Variants in SPRED1 observed in about 807,000 individuals in gnomAD.
The protein encoded by SPRED1 is sprouty related EVH1 domain containing 1.
A neutral mutation model predicts 52.3 loss-of-function variants in SPRED1; 18 were observed. The observed-to-expected ratio is 0.34, with a 90% CI of 0.24 to 0.51. The LOEUF (loss-of-function observed/expected upper bound fraction) is 0.51. Ranked by LOEUF, SPRED1 falls within the 20% of genes least tolerant of loss-of-function variation. The pLI, the probability that SPRED1 is intolerant of heterozygous loss-of-function variation, is 0.97. For synonymous variants in SPRED1, 155 were observed against 179.7 expected, an observed-to-expected ratio of 0.86 and a Z score of 1.10; for missense variants, 485 against 551.0, an observed-to-expected ratio of 0.88 and a Z score of 1.20.
chr15:38,302,624 A>C (rs2140980798), intron 2 of SPRED1, among the ~76,000 whole-genome samples: 1 of 152,086 alleles, frequency 6.6e-6, no homozygotes, highest in East Asian at 1.9e-4. Flanking sequence ...GAGCTTTCCA[A>C]CCTGTGTGCC....
intron 2 of SPRED1, among the ~76,000 whole-genome samples, chr15:38,315,744 C>T (rs1002905495): frequency 6.6e-6 from 1 of 151,902 alleles, no homozygotes; most frequent in East Asian, 1.9e-4. Context: ...CACTCAAACA[C>T]CTCTGTCTCC....
In SPRED1 at chr15:38,299,481, C is replaced by T. The variant is rs745859168; in HGVS notation, c.141C>T (p.Val47=). Residue 47 remains valine (V), a synonymous_variant, in exon 2 of 7, where the codon GTC becomes GTT. Coordinates refer to ENST00000299084, the MANE Select transcript of SPRED1 (RefSeq NM_152594.3). ...SGLSSVTVFK[V]PHQEENGCAD... The stretch of plus-strand genomic sequence containing the variant: ...TAAGCAGCGTCACTGTCTTCAAAGT[C>T]CCTCATCAGGAAGAGAATGGCTGTG... The T allele has an allele frequency of 1.2e-6, 2 of 1,613,992 alleles. No homozygotes were observed. Among genetic ancestry groups the T allele is most frequent in the Admixed American group, 1.7e-5 (1 of 59,992 alleles).
chr15:38,308,858 T>A (rs202210994), intron 2 of SPRED1, among the ~76,000 whole-genome samples: 1 of 152,164 alleles, frequency 6.6e-6, no homozygotes, highest in Admixed American at 6.6e-5. Context: ...AGTGGCTGGG[T>A]TGTATGGTAG....
At chr15:38,348,065 G>A (rs185427681) in intron 5 of SPRED1, among the ~76,000 whole-genome samples, 35 of 151,992 alleles carry the variant, frequency 2.3e-4, no homozygotes, top group Middle Eastern at 3.4e-3. Context: ...TGAGACAGTG[G>A]TGAGAAAATT....
intron 1 of SPRED1, among the ~76,000 whole-genome samples, chr15:38,295,757 TG>T (rs1895023048): frequency 6.6e-6 from 1 of 152,226 alleles, no homozygotes; most frequent in African/African-American, 2.4e-5. Context: ...ATTGAACATC[TG>T]GTTAATGTAA....
intron 1 of SPRED1, among the ~76,000 whole-genome samples, chr15:38,287,121 T>C (rs1894827786): frequency 6.6e-6 from 1 of 152,178 alleles, no homozygotes; most frequent in Admixed American, 6.5e-5. Flanking sequence ...TTAAAATGTG[T>C]AATAAGGCCT....
At chr15:38,253,393 C>T (rs1316343893) in intron 1 of SPRED1, among the ~76,000 whole-genome samples, 176 bp downstream of exon 1, 1 of 152,028 alleles carries the variant, frequency 6.6e-6, no homozygotes, top group African/African-American at 2.4e-5. Flanking sequence ...CCCTCCCCAT[C>T]CTCCCACATT....
In SPRED1 at chr15:38,355,667, AT is replaced by A. The variant is rs1408506611; in HGVS notation, c.*4009del. On this transcript the variant is annotated 3_prime_UTR_variant, in exon 7 of 7. Transcript: ENST00000299084. The stretch of plus-strand genomic sequence containing the variant: ...CAAAGGTGCATTAAGCAAGTGTAAC[AT>A]TTTTTCCACATAAAACTTAGAAAAC... 1.3e-5 allele frequency: 2 copies of A among 152,172 alleles called. No homozygotes were observed. Among genetic ancestry groups the A allele is most frequent in the African/African-American group, 2.4e-5 (1 of 41,450 alleles). 9.4% of individuals were successfully genotyped at this position (152,172 alleles called of 1,614,324 possible).
chr15:38,332,545 C>G (rs1233533621), intron 4 of SPRED1, among the ~76,000 whole-genome samples: 1 of 152,108 alleles, frequency 6.6e-6, no homozygotes, highest in Non-Finnish European at 1.5e-5. Context: ...TGCATTCCAC[C>G]CTGGGCAACA....
At chr15:38,278,739 T>C (rs751587179) in intron 1 of SPRED1, among the ~76,000 whole-genome samples, 2 of 142,786 alleles carry the variant, frequency 1.4e-5, no homozygotes, top group Non-Finnish European at 3.1e-5. Flanking sequence ...GTGTAAATAG[T>C]TATACGGCAT....
At chr15:38,273,519 TAATATATATATATATATATATATA>T (rs1323085085) in intron 1 of SPRED1, among the ~76,000 whole-genome samples, 8 of 113,008 alleles carry the variant, frequency 7.1e-5, no homozygotes, top group Non-Finnish European at 1.3e-4. Context: ...TATGTATTAT[TAATATATATATATATATATATATA>T]TATATATATA....
chr15:38,264,130 G>T (rs112732816), intron 1 of SPRED1, among the ~76,000 whole-genome samples: 111 of 152,292 alleles, frequency 7.3e-4, no homozygotes, highest in African/African-American at 2.5e-3. Flanking sequence ...TGTTTTACTG[G>T]TTGTCACACA....
At chr15:38,278,097 C>T (rs1174880723) in intron 1 of SPRED1, among the ~76,000 whole-genome samples, 1 of 152,030 alleles carries the variant, frequency 6.6e-6, no homozygotes, top group East Asian at 1.9e-4. Context: ...GAAGGTAGAA[C>T]TATTTGTGTG....
intron 1 of SPRED1, among the ~76,000 whole-genome samples, chr15:38,259,610 A>G (rs1894165746): frequency 6.6e-6 from 1 of 152,190 alleles, no homozygotes; most frequent in African/African-American, 2.4e-5. Context: ...AACAAAGGCT[A>G]TTGGGCTTAA....
At chr15:38,312,970 A>G (rs1895398114) in intron 2 of SPRED1, among the ~76,000 whole-genome samples, 1 of 151,686 alleles carries the variant, frequency 6.6e-6, no homozygotes, top group African/African-American at 2.4e-5. Context: ...AAATTCTCCA[A>G]TTTTTAACAT....
chr15:38,316,748 G>GGTTGTTTTT, intron 2 of SPRED1, among the ~76,000 whole-genome samples: 1 of 41,906 alleles, frequency 2.4e-5, no homozygotes. Context: ...TCCATTATAT[G>GGTTGTTTTT]TTTTTTTTTT....
intron 1 of SPRED1, among the ~76,000 whole-genome samples, chr15:38,296,542 T>C (rs920414039): frequency 4.6e-5 from 7 of 152,192 alleles, no homozygotes; most frequent in Admixed American, 6.5e-5. Flanking sequence ...TTTGACTTTA[T>C]TGAAATACTA....
chr15:38,292,049 A>G (rs913362802), intron 1 of SPRED1, among the ~76,000 whole-genome samples: 2 of 152,162 alleles, frequency 1.3e-5, no homozygotes, highest in Non-Finnish European at 2.9e-5. Context: ...ACAACACCCA[A>G]GTCACCTTTT....
chr15:38,324,439 A>G (rs1002009259), intron 3 of SPRED1, among the ~76,000 whole-genome samples: 9 of 152,208 alleles, frequency 5.9e-5, no homozygotes, highest in African/African-American at 2.2e-4. Context: ...GCATCACCAG[A>G]GCAATGTAAT....
Sources: allele counts gnomAD v4.1 joint callset (sites outside exome capture counted in the v4.1 genomes callset), GRCh38; gene constraint gnomAD v4.1.1; transcripts MANE v1.5; gene names NCBI Gene and HGNC (gene_info 2026-07-23, HGNC 2026-07-21).